The following RBFOX1 variants were observed in gnomAD, a reference collection of about 807,000 sequenced individuals.
RBFOX1 encodes the protein RNA binding protein fox-1 homolog 1.
A neutral mutation model predicts 57.7 loss-of-function variants in RBFOX1; 8 were observed. The observed-to-expected ratio is 0.14, with a 90% CI of 0.08 to 0.25. The LOEUF (loss-of-function observed/expected upper bound fraction) is 0.25, where lower values mean the gene tolerates loss of function less well. Among genes scored for constraint, RBFOX1 ranks in the 10% least tolerant of loss-of-function variants. The pLI is 1.00. For missense variants in RBFOX1, 611 were observed against 548.5 expected, an observed-to-expected ratio of 1.11 and a Z score of -1.14; for synonymous variants, 326 against 222.4, an observed-to-expected ratio of 1.47 and a Z score of -4.15.
At chr16:5,856,187 C>CTCTCTCTCTATATATATATA (rs1430331422) in intron 3 of RBFOX1, among the ~76,000 whole-genome samples, 5 of 31,064 alleles carry the variant, frequency 1.6e-4, no homozygotes, top group African/African-American at 4.2e-4. Flanking sequence ...CTCTCTCTCT[C>CTCTCTCTCTATATATATATA]TATATATATA....
At chr16:7,589,684 A>G (rs1452212495) in intron 7 of RBFOX1, among the ~76,000 whole-genome samples, 3 of 151,828 alleles carry the variant, frequency 2.0e-5, no homozygotes, top group Non-Finnish European at 4.4e-5. Flanking sequence ...GATATTTTTC[A>G]TAGTTGACAT....
intron 3 of RBFOX1, among the ~76,000 whole-genome samples, chr16:6,961,132 C>T (rs192527825): frequency 6.7e-6 from 1 of 148,718 alleles, no homozygotes; most frequent in African/African-American, 2.5e-5. Context: ...AATAGAGACT[C>T]CATCACACAC....
At chr16:6,238,774 A>G (rs536190638) in intron 1 of RBFOX1, among the ~76,000 whole-genome samples, 16 of 151,964 alleles carry the variant, frequency 1.1e-4, no homozygotes, top group Non-Finnish European at 2.9e-5. Flanking sequence ...TTAATGTTTA[A>G]TTTTTGTGGT....
chr16:6,077,820 G>A (rs745935001), intron 1 of RBFOX1, among the ~76,000 whole-genome samples: 1 of 151,906 alleles, frequency 6.6e-6, no homozygotes, highest in Non-Finnish European at 1.5e-5. Flanking sequence ...GGCCTCAAGT[G>A]ACCTCCCACC....
At chr16:5,722,460 C>G (rs1227076588) in intron 3 of RBFOX1, among the ~76,000 whole-genome samples, 3 of 152,280 alleles carry the variant, frequency 2.0e-5, no homozygotes, top group African/African-American at 4.8e-5. Context: ...GTAGAGAAAT[C>G]CAGATACAAT....
rs116218630 is a variant in RBFOX1, at chr16:5,652,605, C to T, written c.318+53644C>T. 4.9e-3 allele frequency among the ~76,000 whole-genome samples: 754 copies of T among 152,324 alleles called. 5 individuals carry two copies. Among genetic ancestry groups the T allele is most frequent in the African/African-American group, 0.017 (718 of 41,564 alleles). ...ACTCCAGAAGTCTTTGCACGTCCTC[C>T]TCTCAGCCCCCACCCACTCACCCAC... On this transcript the variant is annotated intron_variant, in intron 3 of 19. Transcript: ENST00000641259.
intron 2 of RBFOX1, among the ~76,000 whole-genome samples, chr16:5,564,316 T>C (rs1369611778): frequency 6.6e-6 from 1 of 152,076 alleles, no homozygotes; most frequent in African/African-American, 2.4e-5. Flanking sequence ...CCACACCCAA[T>C]TGAGGAGAGA....
At chr16:5,763,334 C>T (rs769854003) in intron 3 of RBFOX1, among the ~76,000 whole-genome samples, 15 of 152,178 alleles carry the variant, frequency 9.9e-5, no homozygotes, top group African/African-American at 2.2e-4. Context: ...TCATGCTGCT[C>T]GTTGCCCAAG....
At chr16:6,585,897 TGTA>T (rs2097605855) in intron 2 of RBFOX1, among the ~76,000 whole-genome samples, 1 of 152,210 alleles carries the variant, frequency 6.6e-6, no homozygotes, top group African/African-American at 2.4e-5. Context: ...AGAAGTATCA[TGTA>T]GTAGAGATCA....
At chr16:7,239,234 T>C (rs892353452) in intron 4 of RBFOX1, among the ~76,000 whole-genome samples, 2 of 152,108 alleles carry the variant, frequency 1.3e-5, no homozygotes, top group African/African-American at 4.8e-5. Context: ...AAAGGTGGAA[T>C]CAGCCAGTAA....
chr16:7,238,549 G>C (rs1399929041), intron 4 of RBFOX1, among the ~76,000 whole-genome samples: 1 of 151,998 alleles, frequency 6.6e-6, no homozygotes, highest in Non-Finnish European at 1.5e-5. Flanking sequence ...CGCACCTTTA[G>C]GAAAGCCTAC....
rs144086880 is a variant in RBFOX1 at position 5,845,277 on chromosome 16, A to G, written c.319-22026A>G. On this transcript the variant is annotated intron_variant, in intron 3 of 19. Transcript: ENST00000641259. ...TTTACAAAGCATTTCCACCACCGTT[A>G]TCTGTTCTGAATATTCATTTCCTCC... 3.2e-4 allele frequency among the ~76,000 whole-genome samples: 49 copies of G among 152,224 alleles called. 2 individuals carry two copies. In the East Asian group the frequency reaches 7.9e-3, roughly 25 times the overall value.
At chr16:7,401,245 A>C (rs945304149) in intron 4 of RBFOX1, among the ~76,000 whole-genome samples, 2 of 152,358 alleles carry the variant, frequency 1.3e-5, no homozygotes, top group Non-Finnish European at 1.5e-5. Flanking sequence ...AAAGAAGTCA[A>C]ACTACAAATA....
chr16:7,354,571 A>G (rs1397782732), intron 4 of RBFOX1, among the ~76,000 whole-genome samples: 1 of 152,208 alleles, frequency 6.6e-6, no homozygotes, highest in African/African-American at 2.4e-5. Context: ...TTCAAAGGCC[A>G]CCAATGTGAA....
chr16:6,057,571 G>GA (rs1053347913), intron 1 of RBFOX1, among the ~76,000 whole-genome samples: 4 of 150,002 alleles, frequency 2.7e-5, no homozygotes, highest in African/African-American at 9.9e-5. Flanking sequence ...GACCAAAAGG[G>GA]AAAAAGAAAA....
chr16:5,680,165 A>G (rs1249670320), intron 3 of RBFOX1, among the ~76,000 whole-genome samples: 2 of 152,178 alleles, frequency 1.3e-5, no homozygotes, highest in Non-Finnish European at 2.9e-5. Flanking sequence ...AAAGGTACAA[A>G]AACACATGAG....
intron 2 of RBFOX1, among the ~76,000 whole-genome samples, chr16:5,553,970 CTTTTT>C (rs36068724): frequency 7.5e-6 from 1 of 133,526 alleles, no homozygotes; most frequent in Non-Finnish European, 1.6e-5. Context: ...AACACGTATT[CTTTTT>C]TTTTTTTTTT....
At chr16:6,371,089 A>T (rs1004000322) in intron 2 of RBFOX1, among the ~76,000 whole-genome samples, 1 of 152,194 alleles carries the variant, frequency 6.6e-6, no homozygotes, top group Non-Finnish European at 1.5e-5. Context: ...TTTGTCTATT[A>T]TTGGTGATAT....
chr16:7,705,127 ACATAAAAGATGAAAGT>A (rs1421182840), intron 14 of RBFOX1, among the ~76,000 whole-genome samples: 7 of 151,994 alleles, frequency 4.6e-5, no homozygotes, highest in African/African-American at 1.7e-4. Context: ...TTGATTTGAA[ACATAAAAGATGAAAGT>A]CAGGTGGAGG....
Sources: allele counts gnomAD v4.1 joint callset (sites outside exome capture counted in the v4.1 genomes callset), GRCh38; gene constraint gnomAD v4.1.1; transcripts MANE v1.5; gene names NCBI Gene and HGNC (gene_info 2026-07-23, HGNC 2026-07-21).